Variants in SPATA31C2 observed in about 807,000 individuals in gnomAD.
SPATA31C2 encodes spermatogenesis-associated protein 31C2.
In SPATA31C2, 5 loss-of-function variants were observed where a neutral mutation model predicts 11.4. The observed-to-expected ratio is 0.44, with a 90% confidence interval of 0.23 to 0.92. The LOEUF (loss-of-function observed/expected upper bound fraction) is 0.92. Among genes scored for constraint, SPATA31C2 ranks in the 40% least tolerant of loss-of-function variants. The pLI, the probability that SPATA31C2 is intolerant of heterozygous loss-of-function variation, is 0.24. For synonymous variants in SPATA31C2, 515 were observed against 538.7 expected, an observed-to-expected ratio of 0.96 and a Z score of 0.61; for missense variants, 1,353 against 1,368.6, an observed-to-expected ratio of 0.99 and a Z score of 0.18.
In SPATA31C2 at chr9:88,131,797, A is replaced by G. The variant is rs749103854; in HGVS notation, c.1240T>C (p.Ser414Pro). Residue 414 changes from serine (S) to proline (P), a missense_variant, in exon 4 of 4, where the codon TCT (serine) becomes CCT (proline). Coordinates refer to ENST00000324915, the MANE Select transcript of SPATA31C2 (RefSeq NM_001350978.3). ...KQLEGGLALP[S>P]RVQKSQDVFS... ...ACGTCCTGAGATTTTTGGACCCTAG[A>G]GGGTAAAGCCAACCCACCTTCTAGT... 42 of 1,611,526 alleles carry G rather than the reference A, an allele frequency of 2.6e-5. No homozygotes were observed. In the African/African-American group the frequency reaches 4.3e-4, roughly 16 times the overall value.
rs774303355 is a variant in SPATA31C2 at position 88,130,345 on chromosome 9, G to C, written c.2692C>G (p.Gln898Glu). 25 of 1,610,316 alleles carry C rather than the reference G, an allele frequency of 1.6e-5. No homozygotes were observed. Among genetic ancestry groups the C allele is most frequent in the East Asian group, 1.1e-4 (5 of 44,646 alleles). The change falls in exon 4 of 4, where the codon CAA (glutamine) becomes GAA (glutamate). Residue 898 changes from glutamine to glutamate, a missense_variant. Gln to Glu is a conservative substitution (Grantham distance 29). This residue lies in a region of SPATA31C2 where 1,075 missense variants were observed against 992.8 expected (regional missense o/e 1.08). Transcript: ENST00000324915. ...VPHASENLAS[Q>E]VPQGHLQSMP... is the part of the protein sequence containing the mutation. The stretch of plus-strand genomic sequence containing the variant: ...CTCTGGAGATGGCCCTGGGGCACTT[G>C]AGAAGCCAAATTCTCTGAAGCATGG...
Position 88,132,260 on chromosome 9 carries a change from G to T in SPATA31C2, c.777C>A (p.Ser259Arg). 1 of 1,610,816 alleles carries T rather than the reference G, an allele frequency of 6.2e-7. No homozygotes were observed. The highest frequency in any genetic ancestry group is 8.5e-7 in the Non-Finnish European group (1 of 1,177,724). Residue 259 changes from serine (S) to arginine (R), a missense_variant, in exon 4 of 4, where the codon AGC becomes AGA. This residue lies in a region of SPATA31C2 where 1,075 missense variants were observed against 992.8 expected (regional missense o/e 1.08). Coordinates refer to ENST00000324915, the MANE Select transcript of SPATA31C2 (RefSeq NM_001350978.3). ...VALPLDTVPQ[S>R]LSPREDLAAS... ...CCGCCAAATCCTCACGTGGAGACAA[G>T]CTTTGAGGGACGGTGTCCAGTGGAA...
chr9:88,136,627 A>G (rs1170061610), intron 1 of SPATA31C2, among the ~76,000 whole-genome samples: 1 of 146,138 alleles, frequency 6.8e-6, no homozygotes, highest in Non-Finnish European at 1.5e-5. Context: ...AAGTCCTAGG[A>G]CCTGAAGAAT....
chr9:88,134,113 C>G (rs1424045383), intron 1 of SPATA31C2, among the ~76,000 whole-genome samples: 2 of 149,358 alleles, frequency 1.3e-5, no homozygotes, highest in African/African-American at 2.5e-5. Context: ...CGGTATCGCT[C>G]CATTTCACTG....
At position 88,129,911 on chromosome 9, in the gene SPATA31C2, T is replaced by A; in HGVS notation, c.3126A>T (p.Arg1042Ser). ...CAGCACTGCTGCCGTACACGCATGA[T>A]CTGTTTTTTACTGTTTTTTGGCTCT... ...TAESQKTVKNRSCVYGSSAEA... is the reference protein window; with the variant it reads ...TAESQKTVKNSSCVYGSSAEA... The change falls in exon 4 of 4, where the codon AGA becomes AGT. Residue 1042 changes from arginine (R) to serine (S), a missense_variant. Physicochemically the swap from Arg to Ser is moderately radical, Grantham distance 110. Coordinates refer to ENST00000324915, the MANE Select transcript of SPATA31C2 (RefSeq NM_001350978.3). 6.2e-7 allele frequency: 1 copy of A among 1,606,808 alleles called. No individual in the cohort carries two copies. The highest frequency in any genetic ancestry group is 1.7e-4 in the Middle Eastern group (1 of 6,000).
intron 1 of SPATA31C2, among the ~76,000 whole-genome samples, chr9:88,133,940 T>G (rs1825644382): frequency 6.6e-6 from 1 of 152,142 alleles, no homozygotes; most frequent in African/African-American, 2.4e-5. Flanking sequence ...GTGGATCACC[T>G]GAGGTCAAGA....
intron 1 of SPATA31C2, among the ~76,000 whole-genome samples, chr9:88,136,650 T>A (rs1311351078): frequency 6.8e-6 from 1 of 147,034 alleles, no homozygotes; most frequent in South Asian, 2.2e-4. Context: ...CTCATTAAAT[T>A]TCATATTTTT....
chr9:88,133,826 A>T (rs1825642000), intron 1 of SPATA31C2, among the ~76,000 whole-genome samples, 157 bp from the exon 2 acceptor site: 1 of 152,168 alleles, frequency 6.6e-6, no homozygotes, highest in African/African-American at 2.4e-5. Context: ...TAAATGGATG[A>T]TAAACTGCTT....
rs1183363201 is a variant in SPATA31C2, at chr9:88,130,017, C to T, written c.3020G>A (p.Ser1007Asn). The change falls in exon 4 of 4, where the codon AGC becomes AAC. Residue 1007 changes from serine (S) to asparagine (N), a missense_variant. By Grantham distance (46) the Ser-to-Asn change is conservative. This residue lies in a region of SPATA31C2 where 187 missense variants were observed against 205.8 expected (regional missense o/e 0.91). Coordinates refer to ENST00000324915, the MANE Select transcript of SPATA31C2 (RefSeq NM_001350978.3). Reference sequence around the variant, plus strand: ...TTGCTTGATGTTTTCTCCAAAGTGGCTTATTGAAGGAGGCTGTTTCTTTGA... The same window carrying T: ...TTGCTTGATGTTTTCTCCAAAGTGGTTTATTGAAGGAGGCTGTTTCTTTGA... ...LPSKKQPPSI[S>N]HFGENIKQFF... 1.2e-6 allele frequency: 2 copies of T among 1,608,668 alleles called. No individual in the cohort carries two copies. Among genetic ancestry groups the T allele is most frequent in the Non-Finnish European group, 1.7e-6 (2 of 1,176,862 alleles).
chr9:88,137,682 G>A (rs1825699245), intron 1 of SPATA31C2, among the ~76,000 whole-genome samples: 1 of 110,804 alleles, frequency 9.0e-6, no homozygotes, highest in Non-Finnish European at 1.8e-5. Flanking sequence ...CACCATGGAC[G>A]CCATCAGTCC....
At position 88,131,013 on chromosome 9, in the gene SPATA31C2, T is replaced by C. The variant is rs779265942; in HGVS notation, c.2024A>G (p.Glu675Gly). 5.2e-5 allele frequency: 84 copies of C among 1,611,968 alleles called. No individual in the cohort carries two copies. Among genetic ancestry groups the C allele is most frequent in the Non-Finnish European group, 6.3e-5 (74 of 1,179,872 alleles). ...VLKPIQCFQL[E>G]KVSSLSLIQL... ...TATAAGGGACAAGGATGAAACCTTT[T>C]CCAGTTGAAAGCACTGAATGGGCTT... The change falls in exon 4 of 4, where the codon GAA (glutamate) becomes GGA (glycine). Residue 675 changes from glutamate to glycine, a missense_variant. By Grantham distance (98) the Glu-to-Gly change is moderately conservative. Transcript: ENST00000324915.
intron 1 of SPATA31C2, among the ~76,000 whole-genome samples, chr9:88,136,248 A>G (rs1177619749): frequency 1.4e-4 from 20 of 144,794 alleles, no homozygotes; most frequent in Non-Finnish European, 2.4e-4. Flanking sequence ...TCTTATTTTA[A>G]TGTCTCTCTG....
In SPATA31C2 at chr9:88,129,998, G is replaced by A; in HGVS notation, c.3039C>T (p.Ile1013=). The change falls in exon 4 of 4, where the codon ATC becomes ATT. Residue 1013 remains isoleucine (I), a synonymous_variant. Transcript: ENST00000324915. ...AAAAAATCGTCTGAAAAAATTGCTT[G>A]ATGTTTTCTCCAAAGTGGCTTATTG... is the stretch of plus-strand genomic sequence containing the variant. ...PPSISHFGEN[I]KQFFQTIFSK... is the part of the protein sequence containing the mutation. The A allele has an allele frequency of 1.2e-6, 2 of 1,608,880 alleles. No individual in the cohort carries two copies. The highest frequency in any genetic ancestry group is 1.7e-4 in the Middle Eastern group (1 of 5,990).
In SPATA31C2 at chr9:88,131,854, G is replaced by C. The variant is rs1272195468; in HGVS notation, c.1183C>G (p.Gln395Glu). 1 of 1,611,172 alleles carries C rather than the reference G, an allele frequency of 6.2e-7. No homozygotes were observed. The highest frequency in any genetic ancestry group is 8.5e-7 in the Non-Finnish European group (1 of 1,179,242). ...KVQALSLPET[Q>E]HPERPLLKKQ... ...TTCAACAAAGGCCTTTCAGGGTGCT[G>C]AGTTTCAGGTAGGGAGAGAGCTTGC... Residue 395 changes from glutamine (Q) to glutamate (E), a missense_variant, in exon 4 of 4, where the codon CAG becomes GAG. By Grantham distance (29) the Gln-to-Glu change is conservative. This residue lies in a region of SPATA31C2 where 1,075 missense variants were observed against 992.8 expected (regional missense o/e 1.08). Coordinates refer to ENST00000324915, the MANE Select transcript of SPATA31C2 (RefSeq NM_001350978.3).
In SPATA31C2 at chr9:88,130,659, C is replaced by T. The variant is rs562861780; in HGVS notation, c.2378G>A (p.Arg793Lys). The change falls in exon 4 of 4, where the codon AGG becomes AAG. Residue 793 changes from arginine (R) to lysine (K), a missense_variant. Transcript: ENST00000324915. ...QSRSLGAQSS[R>K]AGETREAVPQ... ...CACTGCCTCCCTGGTCTCTCCAGCC[C>T]TTGAAGATTGGGCTCCTAAGCTCCT... The T allele has an allele frequency of 3.7e-4, 603 of 1,613,886 alleles. No homozygotes were observed. Among genetic ancestry groups the T allele is most frequent in the Non-Finnish European group, 4.8e-4 (572 of 1,179,846 alleles).
At position 88,129,971 on chromosome 9, in the gene SPATA31C2, T is replaced by A. The variant is rs1287999616; in HGVS notation, c.3066A>T (p.Ser1022=). 1.2e-6 allele frequency: 2 copies of A among 1,608,264 alleles called. No individual in the cohort carries two copies. Among genetic ancestry groups the A allele is most frequent in the Non-Finnish European group, 1.7e-6 (2 of 1,176,304 alleles). ...NIKQFFQTIF[S]KKERKPAPVT... ...CTGGTGCTGGCTTCCTTTCTTTCTT[T>A]GAAAAAATCGTCTGAAAAAATTGCT... is the stretch of plus-strand genomic sequence containing the variant. The change falls in exon 4 of 4, where the codon TCA becomes TCT. Residue 1022 remains serine, a synonymous_variant. Transcript: ENST00000324915.
chr9:88,134,484 C>T (rs1368861032), intron 1 of SPATA31C2, among the ~76,000 whole-genome samples: 1 of 145,694 alleles, frequency 6.9e-6, no homozygotes, highest in Non-Finnish European at 1.5e-5. Flanking sequence ...AGAGACCTCC[C>T]CCGTCTCATG....
rs1272316213 is a variant in SPATA31C2, at chr9:88,134,398, A to G, written c.190-729T>C. ...CACAGAAGAGGCTGGGTCCCGAGCCACCTGCCCCAGGAAGGGACTGATGAG... is the reference window on the plus strand; with the variant it reads ...CACAGAAGAGGCTGGGTCCCGAGCCGCCTGCCCCAGGAAGGGACTGATGAG... On this transcript the variant is annotated intron_variant, in intron 1 of 3. Coordinates refer to ENST00000324915, the MANE Select transcript of SPATA31C2 (RefSeq NM_001350978.3). Among the ~76,000 whole-genome samples, 3 of 149,752 alleles carry G rather than the reference A, an allele frequency of 2.0e-5. No homozygotes were observed. In the Admixed American group the frequency reaches 2.0e-4, roughly 10 times the overall value.
At chr9:88,137,925 T>TCCCATCTCATGACCAGAGACCTCC (rs1825701562) in intron 1 of SPATA31C2, among the ~76,000 whole-genome samples, 5 of 105,860 alleles carry the variant, frequency 4.7e-5, no homozygotes, top group African/African-American at 3.0e-4. Flanking sequence ...GACAGAGACC[T>TCCCATCTCATGACCAGAGACCTCC]CCCATCTCAT....
Sources: gnomAD v4.1 joint callset for allele counts (sites outside exome capture counted in the v4.1 genomes callset) on GRCh38, gnomAD v4.1.1 for gene constraint, gnomAD v4.1.1 regional missense constraint, MANE v1.5 for transcripts, NCBI Gene and HGNC (gene_info 2026-07-23, HGNC 2026-07-21) for gene names.